The following WDR72 variants were observed in gnomAD, a reference collection of about 807,000 sequenced individuals.
WDR72 encodes the protein WD repeat domain 72.
WDR72 carries 120 observed loss-of-function variants against 124.2 expected under a neutral mutation model. That is an observed-to-expected ratio of 0.97 (90% confidence interval 0.83 to 1.12). The LOEUF is 1.12. Among genes scored for constraint, WDR72 ranks in the 50% most tolerant of loss-of-function variants. WDR72 has a pLI of 0.00. For synonymous variants in WDR72, 452 were observed against 441.7 expected, an observed-to-expected ratio of 1.02 and a Z score of -0.29; for missense variants, 1,387 against 1,278.8, an observed-to-expected ratio of 1.08 and a Z score of -1.29.
At chr15:53,707,668 A>C (rs146029295) in intron 9 of WDR72, among the ~76,000 whole-genome samples, 1,790 of 152,068 alleles carry the variant, frequency 0.012, 119 homozygotes, top group East Asian at 0.088. Flanking sequence ...GGATGGTCTC[A>C]ATCTCCTGAC....
At chr15:53,659,331 C>G (rs689631) in intron 14 of WDR72, among the ~76,000 whole-genome samples, 1 of 152,016 alleles carries the variant, frequency 6.6e-6, no homozygotes, top group African/African-American at 2.4e-5. Context: ...AGAGTCCTTC[C>G]GTTGCTGGCA....
At chr15:53,608,328 C>A (rs1182712112) in intron 17 of WDR72, among the ~76,000 whole-genome samples, 2 of 152,086 alleles carry the variant, frequency 1.3e-5, no homozygotes, top group Admixed American at 6.6e-5. Flanking sequence ...CAATACAGCA[C>A]TATTCAGTTA....
intron 6 of WDR72, among the ~76,000 whole-genome samples, chr15:53,714,117 G>T (rs1180022187): frequency 2.0e-5 from 3 of 151,986 alleles, no homozygotes; most frequent in Non-Finnish European, 4.4e-5. Flanking sequence ...AGAAAAAAGG[G>T]GGATTTCCTC....
rs900487871 is a variant in WDR72, at chr15:53,711,316, C to T, written c.857+20G>A. 6.2e-7 allele frequency: 1 copy of T among 1,614,010 alleles called. No homozygotes were observed. The highest frequency in any genetic ancestry group is 2.2e-5 in the East Asian group (1 of 44,874). On this transcript the variant is annotated intron_variant, in intron 8 of 19. Coordinates refer to ENST00000360509, the MANE Select transcript of WDR72 (RefSeq NM_182758.4). ...ATTTTCTACCTGAATGTTTTGTATG[C>T]CGCTCCCATCTGAGCCCACCTGTTC...
chr15:53,615,269 G>A (rs1043945421), intron 15 of WDR72, among the ~76,000 whole-genome samples, 157 bp downstream of exon 15: 93 of 151,834 alleles, frequency 6.1e-4, no homozygotes, highest in African/African-American at 2.2e-3. Flanking sequence ...CAATTAAAAG[G>A]GAGATTTTCT....
At chr15:53,592,405 T>C (rs1174277080) in intron 18 of WDR72, among the ~76,000 whole-genome samples, 2 of 152,080 alleles carry the variant, frequency 1.3e-5, no homozygotes, top group Non-Finnish European at 2.9e-5. Context: ...GATATCCTTC[T>C]GGAAAACTCA....
rs909392990 is a variant in WDR72, at chr15:53,516,627, T to G, written c.*1072A>C. The G allele has an allele frequency of 6.6e-6, 1 of 152,094 alleles. No homozygotes were observed. Among genetic ancestry groups the G allele is most frequent in the Non-Finnish European group, 1.5e-5 (1 of 67,974 alleles). 9.4% of individuals were successfully genotyped at this position (152,094 alleles called of 1,614,324 possible). On this transcript the variant is annotated 3_prime_UTR_variant, in exon 20 of 20. Transcript: ENST00000360509. ...GCTCCTATGCTCAGAGATATGTTTC[T>G]TCAATTGAAGTGACTTGGACTTCCC...
intron 1 of WDR72, among the ~76,000 whole-genome samples, chr15:53,741,490 G>A (rs577657568): frequency 3.9e-5 from 6 of 152,066 alleles, no homozygotes; most frequent in Admixed American, 1.3e-4. Context: ...TGTAAATACC[G>A]TAATTAGTAA....
At chr15:53,584,684 A>G (rs1325644948) in intron 18 of WDR72, among the ~76,000 whole-genome samples, 1 of 151,898 alleles carries the variant, frequency 6.6e-6, no homozygotes, top group African/African-American at 2.4e-5. Flanking sequence ...CTTTCAGAAA[A>G]AAGCTCCACA....
intron 2 of WDR72, among the ~76,000 whole-genome samples, chr15:53,728,507 T>C (rs1019169329): frequency 4.6e-5 from 7 of 152,162 alleles, no homozygotes; most frequent in Admixed American, 3.3e-4. Context: ...TCAAAGAATA[T>C]AAGTCATTTG....
rs1395571982 is a variant in WDR72 at position 53,539,104 on chromosome 15, T to A, written c.3149-15782A>T. Among the ~76,000 whole-genome samples the A allele has an allele frequency of 2.0e-5, 3 of 152,108 alleles. No individual in the cohort carries two copies. In the South Asian group the frequency reaches 6.2e-4, roughly 31 times the overall value. Reference sequence around the variant, plus strand: ...AAATAAAGTAACATACTTAAAAATTTAAGAGAAAGAAAAAATTGAACTAAG... The same window carrying A: ...AAATAAAGTAACATACTTAAAAATTAAAGAGAAAGAAAAAATTGAACTAAG... On this transcript the variant is annotated intron_variant, in intron 18 of 19. Transcript: ENST00000360509.
intron 1 of WDR72, among the ~76,000 whole-genome samples, chr15:53,757,977 T>TCTC (rs2018956059): frequency 1.3e-5 from 2 of 148,664 alleles, no homozygotes; most frequent in African/African-American, 2.5e-5. Flanking sequence ...AGAGTTTATT[T>TCTC]TCTCTCTCTC....
At position 53,516,255 on chromosome 15, in the gene WDR72, T is replaced by C. The variant is rs1184375343; in HGVS notation, c.*1444A>G. ...ACAAAGAATGCACACTTTAATCTAC[T>C]TTAAGGGAGTCACACTCATTTGACA... On this transcript the variant is annotated 3_prime_UTR_variant, in exon 20 of 20. Transcript: ENST00000360509. 1 of 152,144 alleles carries C rather than the reference T, an allele frequency of 6.6e-6. No individual in the cohort carries two copies. Among genetic ancestry groups the C allele is most frequent in the East Asian group, 1.9e-4 (1 of 5,188 alleles). The allele number at this position is 152,144 out of a possible 1,614,324, so 9.4% of individuals were successfully genotyped here. A position where few individuals can be genotyped will look rare whatever the true frequency, so the allele number is the denominator to read the frequency against.
At chr15:53,527,330 G>C (rs1006773135) in intron 18 of WDR72, among the ~76,000 whole-genome samples, 2 of 151,964 alleles carry the variant, frequency 1.3e-5, no homozygotes, top group South Asian at 4.1e-4. Context: ...CTCACTTGCA[G>C]AAAGATGGTA....
intron 1 of WDR72, among the ~76,000 whole-genome samples, chr15:53,742,701 T>C (rs1459382575): frequency 6.6e-6 from 1 of 152,142 alleles, no homozygotes; most frequent in East Asian, 1.9e-4. Context: ...TTAGAGACTA[T>C]ATTATAGAGG....
intron 18 of WDR72, among the ~76,000 whole-genome samples, chr15:53,554,324 A>G (rs1893847154): frequency 6.6e-6 from 1 of 152,092 alleles, no homozygotes; most frequent in Admixed American, 6.6e-5. Flanking sequence ...TATTTACCAT[A>G]AATTGGAAAA....
intron 13 of WDR72, among the ~76,000 whole-genome samples, chr15:53,677,378 G>T (rs1197361145): frequency 6.6e-6 from 1 of 152,110 alleles, no homozygotes; most frequent in African/African-American, 2.4e-5. Flanking sequence ...TAAATAGCTG[G>T]TGATTCCACA....
intron 18 of WDR72, among the ~76,000 whole-genome samples, chr15:53,524,102 T>A (rs1891971425): frequency 6.6e-6 from 1 of 152,050 alleles, no homozygotes; most frequent in Non-Finnish European, 1.5e-5. Flanking sequence ...CCATATTACA[T>A]TTGTTCTAGA....
intron 14 of WDR72, among the ~76,000 whole-genome samples, chr15:53,635,041 C>T (rs2014574564): frequency 6.6e-6 from 1 of 152,196 alleles, no homozygotes; most frequent in Non-Finnish European, 1.5e-5. Flanking sequence ...CTGCTTTTTC[C>T]TTCCTCAACT....
Sources: allele counts gnomAD v4.1 joint callset (sites outside exome capture counted in the v4.1 genomes callset), GRCh38; gene constraint gnomAD v4.1.1; transcripts MANE v1.5; gene names NCBI Gene and HGNC (gene_info 2026-07-23, HGNC 2026-07-21).